FHIP2B: variants seen among roughly 807,000 people sequenced by gnomAD.
FHIP2B encodes the protein FHF complex subunit HOOK interacting protein 2B, also known as FHF complex subunit HOOK-interacting protein 2B.
FHIP2B carries 72 observed loss-of-function variants against 84.0 expected under a neutral mutation model. The ratio of observed to expected loss-of-function variants is 0.86; its 90% CI spans 0.71 to 1.04. FHIP2B has a LOEUF of 1.04. Among genes scored for constraint, FHIP2B ranks in the 50% least tolerant of loss-of-function variants. The pLI is 0.00. For missense variants in FHIP2B, 972 were observed against 968.9 expected (o/e 1.00, Z -0.04); for synonymous variants, 497 against 418.7 (o/e 1.19, Z -2.28).
In FHIP2B at chr8:22,096,446, C is replaced by T; in HGVS notation, c.234C>T (p.Pro78=). 6.4e-7 allele frequency: 1 copy of T among 1,555,186 alleles called. No homozygotes were observed. The highest frequency in any genetic ancestry group is 8.7e-7 in the Non-Finnish European group (1 of 1,149,408). Residue 78 remains proline (P), a synonymous_variant, in exon 3 of 17, where the codon CCC becomes CCT. Transcript: ENST00000289921. ...QQQAAAGEAG[P]CLEYLLQHKI... ...AGGCGGCCGCGGGTGAGGCAGGGCC[C>T]TGCCTGGAGTACCTGCTGCAGCACA...
chr8:22,089,598 G>T (rs1825358643), intron 1 of FHIP2B, among the ~76,000 whole-genome samples: 1 of 151,870 alleles, frequency 6.6e-6, no homozygotes, highest in Admixed American at 6.6e-5. Context: ...ACTCGCCTCC[G>T]CCGGGACGCT....
rs373697515 is a variant in FHIP2B, at chr8:22,099,295, C to T, written c.1086C>T (p.Asp362=). The change falls in exon 9 of 17, where the codon GAC becomes GAT. Residue 362 remains aspartate (D), a synonymous_variant. Transcript: ENST00000289921. ...TCTCTGGCACCCAGGTGGTTGCGGA[C>T]GCCTTGGCGAAGGCTGTGGCTGAGA... ...LITEAHTVVA[D]ALAKAVAENF... is the part of the protein sequence containing the mutation. 94 of 1,613,602 alleles carry T rather than the reference C, an allele frequency of 5.8e-5. No individual in the cohort carries two copies. Among genetic ancestry groups the T allele is most frequent in the Middle Eastern group, 1.6e-4 (1 of 6,084 alleles).
At chr8:22,092,281 G>A (rs992689278) in intron 1 of FHIP2B, among the ~76,000 whole-genome samples, 13 of 152,108 alleles carry the variant, frequency 8.5e-5, no homozygotes, top group Admixed American at 7.9e-4. Flanking sequence ...CGAAAACACT[G>A]CTCAGAAGGT....
rs776617525 is a variant in FHIP2B, at chr8:22,098,515, C to A, written c.861C>A (p.Ser287Arg). 2 of 1,613,326 alleles carry A rather than the reference C, an allele frequency of 1.2e-6. No homozygotes were observed. The highest frequency in any genetic ancestry group is 1.7e-6 in the Non-Finnish European group (2 of 1,179,754). Residue 287 changes from serine (S) to arginine (R), a missense_variant, in exon 7 of 17, where the codon AGC becomes AGA. By Grantham distance (110) the Ser-to-Arg change is moderately radical. Coordinates refer to ENST00000289921, the MANE Select transcript of FHIP2B (RefSeq NM_022749.7). The stretch of plus-strand genomic sequence containing the variant: ...CTGCCACCTACCTGGTACAGAGCAG[C>A]GCCTGCTGCCCTGCGATCGTCCGGC... Reference protein sequence around the residue: ...PAAATYLVQSSACCPAIVRHL... With the variant: ...PAAATYLVQSRACCPAIVRHL...
chr8:22,089,885 C>G (rs1389864749), intron 1 of FHIP2B: 1 of 1,247,610 alleles, frequency 8.0e-7, no homozygotes, highest in Non-Finnish European at 1.0e-6. Context: ...GGTGGGCCCC[C>G]AGCCGGGGAA....
At chr8:22,101,595 G>A in intron 13 of FHIP2B, 65 bp downstream of exon 13, 6 of 1,566,380 alleles carry the variant, frequency 3.8e-6, no homozygotes, top group Non-Finnish European at 5.2e-6. Flanking sequence ...ATAAGCTCTG[G>A]GTTCCGCCTC....
chr8:22,102,006 A>G (rs1390308456), intron 14 of FHIP2B, 155 bp downstream of exon 14: 1 of 1,505,770 alleles, frequency 6.6e-7, no homozygotes, highest in Non-Finnish European at 8.9e-7. Flanking sequence ...CCTGCTCCAC[A>G]CGTCCTAACA....
Position 22,097,539 on chromosome 8 carries a change from G to T in FHIP2B, c.321G>T (p.Gln107His). Reference sequence around the variant, plus strand: ...AGTACCCCCCAGGCATGCGGCAGCAGGTGTTCCAGTTCTTCAGCAAGGTTC... The same window carrying T: ...AGTACCCCCCAGGCATGCGGCAGCATGTGTTCCAGTTCTTCAGCAAGGTTC... ...KAEYPPGMRQ[Q>H]VFQFFSKVLA... The change falls in exon 4 of 17, where the codon CAG (glutamine) becomes CAT (histidine). Residue 107 changes from glutamine to histidine, a missense_variant. Physicochemically the swap from Gln to His is conservative, Grantham distance 24. Coordinates refer to ENST00000289921, the MANE Select transcript of FHIP2B (RefSeq NM_022749.7). The T allele has an allele frequency of 6.2e-7, 1 of 1,609,154 alleles. No individual in the cohort carries two copies. Among genetic ancestry groups the T allele is most frequent in the South Asian group, 1.1e-5 (1 of 89,932 alleles).
At position 22,099,048 on chromosome 8, in the gene FHIP2B, G is replaced by A. The variant is rs1402248556; in HGVS notation, c.1066G>A (p.Ala356Thr). ...FDYCDHLITE[A>T]HTVVADALAK... is the part of the protein sequence containing the mutation. ...TTACTGCGACCACCTCATCACAGAG[G>A]CACACACGGTGAGCAGGGGCGGGCG... The change falls in exon 8 of 17, where the codon GCA becomes ACA. Residue 356 changes from alanine (A) to threonine (T), a missense_variant. Transcript: ENST00000289921. 6.2e-7 allele frequency: 1 copy of A among 1,600,760 alleles called. No individual in the cohort carries two copies. The highest frequency in any genetic ancestry group is 2.2e-5 in the East Asian group (1 of 44,620).
Position 22,103,069 on chromosome 8 carries a change from A to G in FHIP2B, c.*138A>G. On this transcript the variant is annotated 3_prime_UTR_variant, in exon 17 of 17. Transcript: ENST00000289921. ...CACTCAAGGAGACTGCGGCATGTTG[A>G]CCACACCAGACTGGGTTTCAGGGAA... is the stretch of plus-strand genomic sequence containing the variant. The G allele has an allele frequency of 1.8e-5, 20 of 1,121,522 alleles. No homozygotes were observed. The highest frequency in any genetic ancestry group is 2.4e-5 in the Non-Finnish European group (19 of 807,852). 69.5% of individuals were successfully genotyped at this position (1,121,522 alleles called of 1,614,324 possible). A position where few individuals can be genotyped will look rare whatever the true frequency, so the allele number is the denominator to read the frequency against.
rs200255721 is a variant in FHIP2B at position 22,098,161 on chromosome 8, G to A, written c.619G>A (p.Asp207Asn). 152 of 1,575,860 alleles carry A rather than the reference G, an allele frequency of 9.6e-5. No homozygotes were observed. The highest frequency in any genetic ancestry group is 1.7e-4 in the Middle Eastern group (1 of 6,034). The change falls in exon 6 of 17, where the codon GAT becomes AAT. Residue 207 changes from aspartate (D) to asparagine (N), a missense_variant. Coordinates refer to ENST00000289921, the MANE Select transcript of FHIP2B (RefSeq NM_022749.7). ...TSHGDKDCSH[D>N]GAPARPQLDG... ...CCACGGGGACAAGGACTGCTCCCAC[G>A]ATGGTGCTCCTGCCAGGCCCCAGCT...
chr8:22,094,388 G>T, intron 1 of FHIP2B, 52 bp from the exon 2 acceptor site: 4 of 1,532,030 alleles, frequency 2.6e-6, no homozygotes, highest in South Asian at 1.2e-5. Context: ...TGCGGGCAGG[G>T]GCTCCCTGGC....
rs777448016 is a variant in FHIP2B, at chr8:22,094,625, G to A, written c.124+107G>A. On this transcript the variant is annotated intron_variant, in intron 2 of 16. Transcript: ENST00000289921. ...CCTGGGAAAGGTAACCTGCCCAGTCGTTCAGAATTGGAGCCGAGTTCACGG... is the reference window on the plus strand; with the variant it reads ...CCTGGGAAAGGTAACCTGCCCAGTCATTCAGAATTGGAGCCGAGTTCACGG... 3.6e-5 allele frequency: 57 copies of A among 1,563,872 alleles called. No homozygotes were observed. In the Admixed American group the frequency reaches 8.8e-4, roughly 24 times the overall value.
At chr8:22,101,039 A>G in intron 12 of FHIP2B, 67 bp downstream of exon 12, 2 of 1,524,082 alleles carry the variant, frequency 1.3e-6, no homozygotes, top group South Asian at 1.2e-5. Context: ...TTTTTGAGAT[A>G]GAGTCTCGCT....
At chr8:22,100,500 C>T (rs1295000165) in intron 10 of FHIP2B, 94 bp from the exon 11 acceptor site, 7 of 1,354,300 alleles carry the variant, frequency 5.2e-6, no homozygotes, top group Admixed American at 3.4e-5. Flanking sequence ...GACTCTGCCT[C>T]AGAGGTCTTT....
rs779840070 is a variant in FHIP2B, at chr8:22,094,514, C to T, written c.120C>T (p.Ser40=). ...WKGITHYYIE[S]TDESTPAKKT... ...GCATCACGCACTACTACATCGAGAG[C>T]ACAGGTGCGGCCTGGCCCTCCCCAG... The change falls in exon 2 of 17, where the codon AGC becomes AGT. Residue 40 remains serine (S), a synonymous_variant. Transcript: ENST00000289921. The T allele has an allele frequency of 1.9e-6, 3 of 1,610,632 alleles. No homozygotes were observed. The highest frequency in any genetic ancestry group is 3.4e-5 in the Admixed American group (2 of 59,700).
intron 12 of FHIP2B, 77 bp downstream of exon 12, chr8:22,101,049 T>A (rs1337744694): frequency 6.6e-7 from 1 of 1,506,742 alleles, no homozygotes; most frequent in East Asian, 2.5e-5. Flanking sequence ...AGAGTCTCGC[T>A]CCGTCACCCA....
intron 14 of FHIP2B, 84 bp downstream of exon 14, chr8:22,101,935 T>G: frequency 6.5e-7 from 1 of 1,539,484 alleles, no homozygotes; most frequent in Non-Finnish European, 8.7e-7. Flanking sequence ...CAGGGTTGCC[T>G]CTGCTTCGGT....
Position 22,099,691 on chromosome 8 carries a change from C to G in FHIP2B, c.1152-13C>G. 1 of 1,558,302 alleles carries G rather than the reference C, an allele frequency of 6.4e-7. No individual in the cohort carries two copies. The highest frequency in any genetic ancestry group is 1.2e-5 in the South Asian group (1 of 84,506). On this transcript the variant is annotated splice_polypyrimidine_tract_variant and intron_variant, in intron 9 of 16. Coordinates refer to ENST00000289921, the MANE Select transcript of FHIP2B (RefSeq NM_022749.7). ...CACACACCGGGCCTGGCTAAGGTGC[C>G]CTCTTCCCGTAGGTCCGAGCAGAGC...
Sources: gnomAD v4.1 joint callset for allele counts (sites outside exome capture counted in the v4.1 genomes callset) on GRCh38, gnomAD v4.1.1 for gene constraint, MANE v1.5 for transcripts, NCBI Gene and HGNC (gene_info 2026-07-23, HGNC 2026-07-21) for gene names.